Variants in ERC2 observed in about 807,000 individuals in gnomAD.
ERC2 encodes the protein ERC protein 2.
Under a neutral mutation model 114.8 loss-of-function variants are expected in ERC2, and 42 were observed. That is an observed-to-expected ratio of 0.37 (90% CI 0.29 to 0.47). ERC2 has a LOEUF of 0.47. Among genes scored for constraint, ERC2 ranks in the 20% least tolerant of loss-of-function variants. The probability of loss-of-function intolerance (pLI) is 0.99; values close to 1 mark genes in which losing one functional copy is unlikely to be tolerated. For synonymous variants in ERC2, 454 were observed against 425.5 expected, an observed-to-expected ratio of 1.07 and a Z score of -0.82; for missense variants, 939 against 1,150.7, an observed-to-expected ratio of 0.82 and a Z score of 2.66.
chr3:55,619,785 G>A (rs897954939), intron 17 of ERC2, among the ~76,000 whole-genome samples: 4 of 152,134 alleles, frequency 2.6e-5, no homozygotes, highest in Admixed American at 6.5e-5. Context: ...AAACACATCG[G>A]ATTTGGATAT....
chr3:56,248,259 A>AT (rs1171086619), intron 3 of ERC2, among the ~76,000 whole-genome samples: 1 of 152,026 alleles, frequency 6.6e-6, no homozygotes, highest in Non-Finnish European at 1.5e-5. Context: ...TGCCCAGGTA[A>AT]TTTAAAAAAT....
intron 17 of ERC2, among the ~76,000 whole-genome samples, chr3:55,528,512 T>G (rs372063554): frequency 1.5e-3 from 222 of 152,318 alleles, no homozygotes; most frequent in African/African-American, 5.1e-3. Flanking sequence ...AGCCAGGGAC[T>G]GTGCATAGAT....
chr3:55,748,375 C>T (rs922643667), intron 14 of ERC2, among the ~76,000 whole-genome samples: 3 of 152,132 alleles, frequency 2.0e-5, no homozygotes, highest in Admixed American at 2.0e-4. Flanking sequence ...CCACTGTGTA[C>T]CACGTACCAG....
At chr3:55,524,790 G>A (rs2107229624) in intron 17 of ERC2, among the ~76,000 whole-genome samples, 1 of 151,882 alleles carries the variant, frequency 6.6e-6, no homozygotes, top group East Asian at 1.9e-4. Flanking sequence ...AATGAAAAAA[G>A]AGAGAGAGAG....
intron 3 of ERC2, among the ~76,000 whole-genome samples, chr3:56,204,011 C>G (rs1435388600): frequency 1.3e-5 from 2 of 151,792 alleles, no homozygotes; most frequent in Non-Finnish European, 2.9e-5. Context: ...GAAACCCCGT[C>G]TCTACTAAAA....
intron 12 of ERC2, among the ~76,000 whole-genome samples, chr3:55,980,673 C>A (rs2070053662): frequency 6.6e-6 from 1 of 151,836 alleles, no homozygotes; most frequent in Non-Finnish European, 1.5e-5. Context: ...TTACTATTTG[C>A]TGATATTCAT....
intron 14 of ERC2, among the ~76,000 whole-genome samples, chr3:55,758,191 A>G: frequency 6.6e-6 from 1 of 152,232 alleles, no homozygotes; most frequent in Admixed American, 6.5e-5. Flanking sequence ...GGCAGAGCTC[A>G]TATTTCATCT....
intron 14 of ERC2, among the ~76,000 whole-genome samples, chr3:55,875,862 G>C (rs1253017559): frequency 6.6e-6 from 1 of 151,942 alleles, no homozygotes; most frequent in Non-Finnish European, 1.5e-5. Flanking sequence ...TGCTTTTCAA[G>C]GCACCAGAAC....
At chr3:56,415,774 G>C (rs1418502774) in intron 2 of ERC2, among the ~76,000 whole-genome samples, 3 of 152,114 alleles carry the variant, frequency 2.0e-5, no homozygotes, top group Admixed American at 2.0e-4. Context: ...CATGGTAATG[G>C]GCTTGCTGTG....
At chr3:56,038,906 G>A (rs1345626598) in intron 7 of ERC2, among the ~76,000 whole-genome samples, 1 of 152,190 alleles carries the variant, frequency 6.6e-6, no homozygotes, top group Non-Finnish European at 1.5e-5. Flanking sequence ...ACACAGGGAA[G>A]GGAAAAACAC....
At chr3:55,794,451 T>C (rs1454105330) in intron 14 of ERC2, among the ~76,000 whole-genome samples, 1 of 152,204 alleles carries the variant, frequency 6.6e-6, no homozygotes, top group Admixed American at 6.5e-5. Flanking sequence ...GTATTAATCA[T>C]GTTTTATGTG....
intron 3 of ERC2, among the ~76,000 whole-genome samples, chr3:56,190,675 G>A (rs115370632): frequency 6.6e-6 from 1 of 152,216 alleles, no homozygotes; most frequent in East Asian, 1.9e-4. Flanking sequence ...CTGGGTTCAA[G>A]TGATCCTCCC....
chr3:56,117,591 G>A (rs937624524), intron 6 of ERC2, among the ~76,000 whole-genome samples: 6 of 152,200 alleles, frequency 3.9e-5, no homozygotes, highest in Admixed American at 2.6e-4. Context: ...CAGGATAAGA[G>A]GACTCCCTCA....
chr3:56,080,744 T>G (rs977894581), intron 7 of ERC2, 73 bp downstream of exon 7: 1 of 1,471,652 alleles, frequency 6.8e-7, no homozygotes, highest in Non-Finnish European at 9.2e-7. Context: ...TTATTTTCCA[T>G]GTGCTCAAAA....
At chr3:55,694,000 C>T (rs112449768) in intron 16 of ERC2, among the ~76,000 whole-genome samples, 2,059 of 152,182 alleles carry the variant, frequency 0.014, 46 homozygotes, top group African/African-American at 0.047. Context: ...TGAGTCACTG[C>T]GCCCGGCAAA....
chr3:55,693,435 T>C (rs1018192719), intron 16 of ERC2, among the ~76,000 whole-genome samples: 1 of 152,066 alleles, frequency 6.6e-6, no homozygotes, highest in Admixed American at 6.5e-5. Flanking sequence ...ATGTGAGTCT[T>C]GGCAATCCAC....
chr3:55,516,529 A>C (rs2052519619), intron 17 of ERC2, among the ~76,000 whole-genome samples: 1 of 151,806 alleles, frequency 6.6e-6, no homozygotes, highest in Non-Finnish European at 1.5e-5. Flanking sequence ...TTCAGAACCC[A>C]AAGGGCTGGG....
intron 7 of ERC2, among the ~76,000 whole-genome samples, chr3:56,055,195 A>T (rs926188533): frequency 4.6e-5 from 7 of 152,226 alleles, no homozygotes; most frequent in Non-Finnish European, 1.0e-4. Flanking sequence ...AGAGAATGCC[A>T]TACAGCTTTT....
At chr3:55,949,351 CAG>C (rs1287408272) in intron 13 of ERC2, among the ~76,000 whole-genome samples, 1 of 151,596 alleles carries the variant, frequency 6.6e-6, no homozygotes, top group East Asian at 1.9e-4. Flanking sequence ...GTCTGGGCGA[CAG>C]GGGGAGACTC....
Sources: allele counts gnomAD v4.1 joint callset (sites outside exome capture counted in the v4.1 genomes callset), GRCh38; gene constraint gnomAD v4.1.1; transcripts MANE v1.5; gene names NCBI Gene and HGNC (gene_info 2026-07-23, HGNC 2026-07-21).